The following FSTL5 variants were observed in gnomAD, a reference collection of about 807,000 sequenced individuals.
FSTL5 encodes the protein follistatin like 5.
A neutral mutation model predicts 89.1 loss-of-function variants in FSTL5; 62 were observed. The ratio of observed to expected loss-of-function variants is 0.70; its 90% CI spans 0.57 to 0.86. The LOEUF (loss-of-function observed/expected upper bound fraction) is 0.86. FSTL5 is among the 40% of genes least tolerant of loss of function. The pLI is 0.00. For synonymous variants in FSTL5, 383 were observed against 346.2 expected (o/e 1.11, Z -1.18); for missense variants, 1,057 against 1,001.6 (o/e 1.06, Z -0.75).
At chr4:162,143,839 GA>G (rs35171818) in intron 1 of FSTL5, among the ~76,000 whole-genome samples, 8 of 146,546 alleles carry the variant, frequency 5.5e-5, no homozygotes, top group South Asian at 2.1e-4. Flanking sequence ...CACACGGCAG[GA>G]AAAAAAATAC....
intron 1 of FSTL5, among the ~76,000 whole-genome samples, chr4:162,157,373 C>A (rs930625768): frequency 1.3e-5 from 2 of 152,098 alleles, no homozygotes; most frequent in East Asian, 3.9e-4. Context: ...GGGGTTTGTG[C>A]TGTCACCATG....
intron 8 of FSTL5, among the ~76,000 whole-genome samples, chr4:161,543,076 A>G (rs889657542): frequency 2.6e-5 from 4 of 152,052 alleles, no homozygotes; most frequent in Admixed American, 6.6e-5. Flanking sequence ...GGAATTAAAT[A>G]AAATCATGAA....
At chr4:161,962,061 T>G (rs545101009) in intron 3 of FSTL5, among the ~76,000 whole-genome samples, 47 of 152,030 alleles carry the variant, frequency 3.1e-4, no homozygotes, top group African/African-American at 1.1e-3. Context: ...CTATTATAAT[T>G]TGTTAAAAAT....
intron 15 of FSTL5, among the ~76,000 whole-genome samples, chr4:161,410,139 G>GAAC (rs56743700): frequency 0.11 from 16,207 of 151,974 alleles, 855 homozygotes; most frequent in Non-Finnish European, 0.12. Flanking sequence ...TAATAATGAA[G>GAAC]ATTACATAAT....
At chr4:161,435,791 C>G (rs1046251499) in intron 15 of FSTL5, among the ~76,000 whole-genome samples, 5 of 151,718 alleles carry the variant, frequency 3.3e-5, no homozygotes, top group African/African-American at 1.2e-4. Context: ...AATAAGCAAT[C>G]AAAACCAGAT....
intron 4 of FSTL5, among the ~76,000 whole-genome samples, chr4:161,818,728 T>C (rs1730404920): frequency 6.6e-6 from 1 of 152,210 alleles, no homozygotes; most frequent in Non-Finnish European, 1.5e-5. Flanking sequence ...TTTTAAGAGT[T>C]TTCTATAACT....
intron 5 of FSTL5, 106 bp from the exon 6 acceptor site, chr4:161,759,637 G>T: frequency 1.4e-6 from 1 of 689,710 alleles, no homozygotes; most frequent in Non-Finnish European, 2.1e-6. Flanking sequence ...CATGTCTGCA[G>T]CAGGGCAAAA....
intron 3 of FSTL5, among the ~76,000 whole-genome samples, chr4:162,013,270 T>C (rs1185527582): frequency 1.3e-5 from 2 of 152,130 alleles, no homozygotes; most frequent in Admixed American, 1.3e-4. Context: ...ATTCAGTCCA[T>C]TCACCCAGGT....
chr4:161,957,969 A>C (rs1179705968), intron 3 of FSTL5, among the ~76,000 whole-genome samples: 1 of 152,046 alleles, frequency 6.6e-6, no homozygotes, highest in Non-Finnish European at 1.5e-5. Flanking sequence ...CAAGGTTCCT[A>C]TTACATATAT....
chr4:161,833,072 T>A (rs1445662799), intron 4 of FSTL5, among the ~76,000 whole-genome samples: 2 of 151,448 alleles, frequency 1.3e-5, no homozygotes, highest in African/African-American at 4.8e-5. Context: ...GAGATTCTGG[T>A]ATGTTGTGTC....
chr4:161,607,344 C>T (rs1038994548), intron 7 of FSTL5, among the ~76,000 whole-genome samples: 5 of 151,838 alleles, frequency 3.3e-5, no homozygotes, highest in African/African-American at 1.2e-4. Context: ...TGTTGTTGAC[C>T]CAGCTGCCTT....
chr4:161,571,602 G>A (rs1036268056), intron 8 of FSTL5, among the ~76,000 whole-genome samples: 1 of 152,150 alleles, frequency 6.6e-6, no homozygotes, highest in Admixed American at 6.5e-5. Flanking sequence ...GCGCAAGATT[G>A]AGAACCTTTA....
At chr4:161,662,095 A>C (rs555439760) in intron 6 of FSTL5, among the ~76,000 whole-genome samples, 1 of 152,262 alleles carries the variant, frequency 6.6e-6, no homozygotes, top group Admixed American at 6.5e-5. Context: ...GGGATAGGGA[A>C]AATAATGGAG....
chr4:161,497,082 A>C (rs1730112256), intron 12 of FSTL5, among the ~76,000 whole-genome samples: 1 of 152,166 alleles, frequency 6.6e-6, no homozygotes, highest in Non-Finnish European at 1.5e-5. Flanking sequence ...AAATGTAGAA[A>C]ATATTACCTT....
At position 161,827,911 on chromosome 4, in the gene FSTL5, T is replaced by G. The variant is rs183053327; in HGVS notation, c.410-51837A>C. ...TTTTCAGATTTCGTACCACCCTGCC[T>G]GCCGCAGCTTCTGTGCTGTGTCTAC... On this transcript the variant is annotated intron_variant, in intron 4 of 15. Coordinates refer to ENST00000306100, the MANE Select transcript of FSTL5 (RefSeq NM_020116.5). 2.7e-3 allele frequency among the ~76,000 whole-genome samples: 414 copies of G among 152,276 alleles called. 1 individual carries two copies. The highest frequency in any genetic ancestry group is 3.9e-3 in the Non-Finnish European group (262 of 68,020).
chr4:162,004,409 T>A (rs1482139443), intron 3 of FSTL5, among the ~76,000 whole-genome samples: 1 of 152,218 alleles, frequency 6.6e-6, no homozygotes, highest in African/African-American at 2.4e-5. Flanking sequence ...AACTCCAGCA[T>A]AATCATCTGT....
intron 7 of FSTL5, among the ~76,000 whole-genome samples, chr4:161,621,267 TACACACAC>T (rs146037793): frequency 0.023 from 3,372 of 146,140 alleles, 81 homozygotes; most frequent in African/African-American, 0.064. Flanking sequence ...ATGTAAAGAC[TACACACAC>T]ACACACACAC....
intron 8 of FSTL5, among the ~76,000 whole-genome samples, chr4:161,574,348 T>C (rs1216289038): frequency 1.3e-5 from 2 of 151,678 alleles, no homozygotes; most frequent in South Asian, 2.1e-4. Context: ...TTTTTTCTTT[T>C]TTTTTTTTAA....
intron 4 of FSTL5, among the ~76,000 whole-genome samples, chr4:161,896,284 C>T (rs561653131): frequency 6.6e-6 from 1 of 152,214 alleles, no homozygotes; most frequent in East Asian, 1.9e-4. Context: ...AATAGTTGTG[C>T]TACACATGAA....
Sources: allele counts gnomAD v4.1 joint callset (sites outside exome capture counted in the v4.1 genomes callset), GRCh38; gene constraint gnomAD v4.1.1; transcripts MANE v1.5; gene names NCBI Gene and HGNC (gene_info 2026-07-23, HGNC 2026-07-21).